CAMKMT: variants seen among roughly 807,000 people sequenced by gnomAD.
CAMKMT encodes calmodulin-lysine N-methyltransferase.
CAMKMT carries 53 observed loss-of-function variants against 48.0 expected under a neutral mutation model. The ratio of observed to expected loss-of-function variants is 1.10; its 90% CI spans 0.89 to 1.39. The LOEUF (loss-of-function observed/expected upper bound fraction) is 1.39. Ranked by LOEUF, CAMKMT falls within the 40% of genes most tolerant of loss-of-function variation. The probability of loss-of-function intolerance (pLI) is 0.00; values close to 1 mark genes in which losing one functional copy is unlikely to be tolerated. For missense variants in CAMKMT, 428 were observed against 402.7 expected, an observed-to-expected ratio of 1.06 and a Z score of -0.54; for synonymous variants, 165 against 152.3, an observed-to-expected ratio of 1.08 and a Z score of -0.61.
At chr2:44,475,010 G>A (rs531316003) in intron 3 of CAMKMT, among the ~76,000 whole-genome samples, 39 of 152,268 alleles carry the variant, frequency 2.6e-4, no homozygotes, top group African/African-American at 9.1e-4. Flanking sequence ...ACTCGAGAAT[G>A]TATTATTATT....
At chr2:44,626,800 C>T (rs1017226449) in intron 3 of CAMKMT, among the ~76,000 whole-genome samples, 5 of 152,140 alleles carry the variant, frequency 3.3e-5, no homozygotes, top group African/African-American at 7.2e-5. Flanking sequence ...GAACATTGCA[C>T]GAGACCATGT....
chr2:44,386,224 A>G (rs879653297), intron 2 of CAMKMT, among the ~76,000 whole-genome samples: 2 of 151,938 alleles, frequency 1.3e-5, no homozygotes, highest in Admixed American at 6.6e-5. Context: ...GCCTCAGGGT[A>G]TCTAATTTTT....
At chr2:44,485,486 C>A (rs777302404) in intron 3 of CAMKMT, among the ~76,000 whole-genome samples, 1 of 152,090 alleles carries the variant, frequency 6.6e-6, no homozygotes, top group African/African-American at 2.4e-5. Flanking sequence ...AATGGCGATA[C>A]GTTCTGAGAA....
intron 9 of CAMKMT, among the ~76,000 whole-genome samples, chr2:44,759,729 C>T (rs937811377): frequency 6.6e-6 from 1 of 152,094 alleles, no homozygotes; most frequent in Non-Finnish European, 1.5e-5. Context: ...AGTGCAGGGG[C>T]CCAGCCCTGA....
intron 3 of CAMKMT, among the ~76,000 whole-genome samples, chr2:44,497,466 A>G (rs1669801322): frequency 6.6e-6 from 1 of 152,120 alleles, no homozygotes; most frequent in South Asian, 2.1e-4. Flanking sequence ...AACATTTTTT[A>G]TGTAGGGATA....
chr2:44,642,791 C>G (rs1673518368), intron 3 of CAMKMT, among the ~76,000 whole-genome samples: 1 of 152,036 alleles, frequency 6.6e-6, no homozygotes, highest in South Asian at 2.1e-4. Flanking sequence ...ACCCTGGGAC[C>G]CAGCCACTCT....
chr2:44,759,521 A>C (rs1680522884), intron 9 of CAMKMT, among the ~76,000 whole-genome samples: 1 of 151,930 alleles, frequency 6.6e-6, no homozygotes, highest in African/African-American at 2.4e-5. Flanking sequence ...GTTTCAGGGA[A>C]ATTGCCTTGT....
At chr2:44,516,896 C>G (rs146364216) in intron 3 of CAMKMT, among the ~76,000 whole-genome samples, 1 of 152,028 alleles carries the variant, frequency 6.6e-6, no homozygotes, top group Non-Finnish European at 1.5e-5. Flanking sequence ...CATGTGCCAC[C>G]ACGCCCAGCT....
chr2:44,549,665 G>A, intron 3 of CAMKMT: 1 of 583,562 alleles, frequency 1.7e-6, no homozygotes, highest in South Asian at 2.3e-5. Context: ...CGTGGCAGAA[G>A]ATTATGATAC....
At chr2:44,555,017 G>T (rs1425926862) in intron 3 of CAMKMT, among the ~76,000 whole-genome samples, 3 of 152,114 alleles carry the variant, frequency 2.0e-5, no homozygotes, top group Admixed American at 2.0e-4. Context: ...ATGGTTTTGA[G>T]GAAACTGCAT....
At chr2:44,707,630 A>G (rs1677637293) in intron 6 of CAMKMT, among the ~76,000 whole-genome samples, 168 bp downstream of exon 6, 2 of 152,148 alleles carry the variant, frequency 1.3e-5, no homozygotes, top group African/African-American at 4.8e-5. Context: ...CCTTGCATAC[A>G]ACTCCGTAGG....
intron 1 of CAMKMT, among the ~76,000 whole-genome samples, chr2:44,372,307 G>A (rs1679254332): frequency 6.6e-6 from 1 of 152,014 alleles, no homozygotes; most frequent in African/African-American, 2.4e-5. Flanking sequence ...AATATAGGGA[G>A]ACCCCATCTC....
chr2:44,465,413 T>C (rs543539727), intron 3 of CAMKMT, among the ~76,000 whole-genome samples: 12 of 151,874 alleles, frequency 7.9e-5, no homozygotes, highest in African/African-American at 2.4e-4. Flanking sequence ...GCCTGACCAA[T>C]ATGGTGAAAC....
At chr2:44,715,537 C>T (rs1468955481) in intron 7 of CAMKMT, among the ~76,000 whole-genome samples, 184 bp downstream of exon 7, 1 of 152,172 alleles carries the variant, frequency 6.6e-6, no homozygotes, top group African/African-American at 2.4e-5. Context: ...GGCAGACAGA[C>T]ACTCTCATTA....
intron 3 of CAMKMT, among the ~76,000 whole-genome samples, chr2:44,395,894 AC>A (rs1327224629): frequency 6.6e-5 from 10 of 152,296 alleles, no homozygotes; most frequent in African/African-American, 2.4e-4. Context: ...GTAAAGCTAC[AC>A]AATTAAAATA....
intron 2 of CAMKMT, among the ~76,000 whole-genome samples, chr2:44,385,306 AC>A (rs1211237557): frequency 6.6e-6 from 1 of 151,938 alleles, no homozygotes. Context: ...GTATAGAAAA[AC>A]TATTGATTTG....
intron 3 of CAMKMT, among the ~76,000 whole-genome samples, chr2:44,407,876 A>T (rs1085443): frequency 1.3e-5 from 2 of 151,916 alleles, no homozygotes; most frequent in South Asian, 2.1e-4. Context: ...CTCTTGCTGC[A>T]CTTTACTAAA....
rs572400866 is a variant in CAMKMT, at chr2:44,457,554, A to G, written c.376+67249A>G. Among the ~76,000 whole-genome samples, 6 of 152,050 alleles carry G rather than the reference A, an allele frequency of 3.9e-5. No homozygotes were observed. The East Asian group carries it at 7.8e-4, about 20-fold the overall frequency. The stretch of plus-strand genomic sequence containing the variant: ...GCTGGGACTACAGGTGCGTGTCACC[A>G]CGCCCGGCTAATTTTTGTATTTTTA... On this transcript the variant is annotated intron_variant, in intron 3 of 10. Coordinates refer to ENST00000378494, the MANE Select transcript of CAMKMT (RefSeq NM_024766.5).
chr2:44,393,243 C>G (rs933205363), intron 3 of CAMKMT: 1 of 152,086 alleles, frequency 6.6e-6, no homozygotes, highest in Non-Finnish European at 1.5e-5. Context: ...AACTTATTTA[C>G]TATTAGAAAA....
Sources: allele counts gnomAD v4.1 joint callset (sites outside exome capture counted in the v4.1 genomes callset), GRCh38; gene constraint gnomAD v4.1.1; transcripts MANE v1.5; gene names NCBI Gene and HGNC (gene_info 2026-07-23, HGNC 2026-07-21).